Variants in GSG1L observed in about 807,000 individuals in gnomAD.
GSG1L encodes GSG1 like, also known as germ cell-specific gene 1-like protein.
In GSG1L, 24 loss-of-function variants were observed where a neutral mutation model predicts 42.1. The ratio of observed to expected loss-of-function variants is 0.57; its 90% CI spans 0.41 to 0.80. The LOEUF is 0.80. GSG1L is among the 30% of genes least tolerant of loss of function. The probability of loss-of-function intolerance (pLI) is 0.00; values close to 1 mark genes in which losing one functional copy is unlikely to be tolerated. For missense variants in GSG1L, 445 were observed against 472.2 expected, an observed-to-expected ratio of 0.94 and a Z score of 0.53; for synonymous variants, 215 against 203.5, an observed-to-expected ratio of 1.06 and a Z score of -0.48.
intron 3 of GSG1L, among the ~76,000 whole-genome samples, chr16:27,853,162 T>C (rs2140991925): frequency 6.6e-6 from 1 of 152,358 alleles, no homozygotes; most frequent in South Asian, 2.1e-4. Flanking sequence ...ATCTCTTATC[T>C]GAACGTATCT....
intron 6 of GSG1L, among the ~76,000 whole-genome samples, chr16:27,803,882 AGAT>A (rs369151639): frequency 8.6e-5 from 13 of 151,298 alleles, no homozygotes; most frequent in African/African-American, 3.1e-4. Flanking sequence ...ATCTGTAGAT[AGAT>A]GATAGATAAA....
chr16:27,793,803 G>T (rs2082786515), intron 6 of GSG1L, among the ~76,000 whole-genome samples: 1 of 152,178 alleles, frequency 6.6e-6, no homozygotes, highest in Non-Finnish European at 1.5e-5. Context: ...CATTTAAGGT[G>T]TGTGTATACA....
intron 3 of GSG1L, among the ~76,000 whole-genome samples, chr16:27,878,699 A>T (rs1350462148): frequency 1.3e-5 from 2 of 152,182 alleles, no homozygotes; most frequent in African/African-American, 4.8e-5. Flanking sequence ...AGCCTCCCAA[A>T]GTGCTGGGGT....
chr16:27,804,447 C>T (rs1202832657), intron 6 of GSG1L, among the ~76,000 whole-genome samples: 1 of 151,988 alleles, frequency 6.6e-6, no homozygotes, highest in Non-Finnish European at 1.5e-5. Context: ...CTGTTTCCTC[C>T]CCATCACCAC....
chr16:27,868,980 G>A (rs183256349), intron 3 of GSG1L, among the ~76,000 whole-genome samples: 2,510 of 152,248 alleles, frequency 0.016, 66 homozygotes, highest in African/African-American at 0.057. Context: ...GGTGAGCTTG[G>A]AGATGGGGTT....
Position 27,841,385 on chromosome 16 carries a change from G to A in GSG1L, c.662+3565C>T, listed in dbSNP as rs1398878205. Among the ~76,000 whole-genome samples, 3 of 152,342 alleles carry A rather than the reference G, an allele frequency of 2.0e-5. No homozygotes were observed. In the East Asian group the frequency reaches 5.8e-4, roughly 29 times the overall value. On this transcript the variant is annotated intron_variant, in intron 4 of 6. Transcript: ENST00000447459. Reference sequence around the variant, plus strand: ...TGGAGACCTTCTACTTCTTGCAAAGGTGTCCCTCTAAGAAACCGGCACTCA... The same window carrying A: ...TGGAGACCTTCTACTTCTTGCAAAGATGTCCCTCTAAGAAACCGGCACTCA...
chr16:27,958,998 A>T (rs1312987280), intron 2 of GSG1L, among the ~76,000 whole-genome samples: 1 of 152,170 alleles, frequency 6.6e-6, no homozygotes, highest in African/African-American at 2.4e-5. Flanking sequence ...TTTCTATAAC[A>T]AGTGTGTATA....
chr16:28,063,048 G>A lies in GSG1L; in HGVS notation c.349+28C>T. On this transcript the variant is annotated intron_variant, in intron 1 of 6. Transcript: ENST00000447459. The surrounding 1 kb of genome is among the most constrained non-coding windows in gnomAD (Gnocchi z 5.8). ...GCGCCGCCCCGGGGGAGCCGGAGCCGAGCTGGCCGCCGCCCGCGCGCACTC... is the reference window on the plus strand; with the variant it reads ...GCGCCGCCCCGGGGGAGCCGGAGCCAAGCTGGCCGCCGCCCGCGCGCACTC... 1 of 1,389,028 alleles carries A rather than the reference G, an allele frequency of 7.2e-7. No homozygotes were observed. The highest frequency in any genetic ancestry group is 9.4e-7 in the Non-Finnish European group (1 of 1,065,372). The allele number at this position is 1,389,028 out of a possible 1,614,324, so 86.0% of individuals were successfully genotyped here.
At chr16:27,987,961 A>AAC (rs1397877800) in intron 1 of GSG1L, among the ~76,000 whole-genome samples, 1 of 151,574 alleles carries the variant, frequency 6.6e-6, no homozygotes, top group Non-Finnish European at 1.5e-5. Context: ...AAAAAAAAAA[A>AAC]AAAAAACCGG....
At chr16:27,849,197 CAAAAA>C (rs1490055613) in intron 3 of GSG1L, among the ~76,000 whole-genome samples, 1,991 of 113,634 alleles carry the variant, frequency 0.018, 73 homozygotes, top group African/African-American at 0.061. Flanking sequence ...GCCTCTATCC[CAAAAA>C]GAAAAAAAAA....
intron 1 of GSG1L, among the ~76,000 whole-genome samples, chr16:28,038,682 G>C (rs1007262378): frequency 6.6e-6 from 1 of 152,210 alleles, no homozygotes; most frequent in Non-Finnish European, 1.5e-5. Context: ...GCGATACCCA[G>C]AGAGAGCAGA....
intron 6 of GSG1L, among the ~76,000 whole-genome samples, chr16:27,797,715 G>A (rs1240334896): frequency 1.1e-4 from 16 of 150,926 alleles, no homozygotes; most frequent in African/African-American, 3.4e-4. Context: ...CCAGCTACTC[G>A]GGAGGCTGAG....
At chr16:27,794,664 C>T (rs1400504053) in intron 6 of GSG1L, among the ~76,000 whole-genome samples, 6 of 152,256 alleles carry the variant, frequency 3.9e-5, no homozygotes, top group East Asian at 1.9e-4. Flanking sequence ...ATCTGGATCT[C>T]GAAACAAAAC....
intron 1 of GSG1L, among the ~76,000 whole-genome samples, chr16:28,033,838 A>C (rs866900174): frequency 9.2e-5 from 14 of 152,366 alleles, no homozygotes; most frequent in Middle Eastern, 3.4e-3. Context: ...ATAATTAATG[A>C]AAAACAGACT....
intron 2 of GSG1L, among the ~76,000 whole-genome samples, chr16:27,959,927 T>A (rs1177710588): frequency 6.6e-6 from 1 of 152,158 alleles, no homozygotes; most frequent in African/African-American, 2.4e-5. Context: ...ACATTTCCCA[T>A]GTAAAACACA....
At chr16:27,835,104 T>C (rs144341877) in intron 4 of GSG1L, among the ~76,000 whole-genome samples, 4 of 152,300 alleles carry the variant, frequency 2.6e-5, no homozygotes, top group African/African-American at 7.2e-5. Flanking sequence ...GAAAGCCATA[T>C]TGAAATCTCT....
intron 1 of GSG1L, among the ~76,000 whole-genome samples, chr16:28,056,904 G>T (rs1000241783): frequency 4.6e-5 from 7 of 152,132 alleles, no homozygotes; most frequent in Non-Finnish European, 8.8e-5. Flanking sequence ...CAGCAAGGCG[G>T]CTAATTTCAG....
At chr16:27,972,389 C>A (rs1048318525) in intron 1 of GSG1L, among the ~76,000 whole-genome samples, 1 of 152,196 alleles carries the variant, frequency 6.6e-6, no homozygotes, top group Non-Finnish European at 1.5e-5. Context: ...TCCTCCAAAT[C>A]CTTAGTCTCT....
intron 3 of GSG1L, among the ~76,000 whole-genome samples, chr16:27,881,239 T>G (rs1193954668): frequency 2.8e-4 from 8 of 29,048 alleles, no homozygotes; most frequent in Non-Finnish European, 6.7e-4. Flanking sequence ...AGTATCATAC[T>G]TTTTTTTTTT....
Sources: gnomAD v4.1 joint callset for allele counts (sites outside exome capture counted in the v4.1 genomes callset) on GRCh38, gnomAD v4.1.1 for gene constraint, Gnocchi (gnomAD v3.1) non-coding constraint, MANE v1.5 for transcripts, NCBI Gene and HGNC (gene_info 2026-07-23, HGNC 2026-07-21) for gene names.